PRKN: variants seen among roughly 807,000 people sequenced by gnomAD.
PRKN encodes the protein E3 ubiquitin-protein ligase parkin.
In PRKN, 56 loss-of-function variants were observed where a neutral mutation model predicts 59.5. The ratio of observed to expected loss-of-function variants is 0.94; its 90% CI spans 0.76 to 1.18. The LOEUF (loss-of-function observed/expected upper bound fraction) is 1.18. Ranked by LOEUF, PRKN falls within the 50% of genes most tolerant of loss-of-function variation. The pLI is 0.00. For synonymous variants in PRKN, 250 were observed against 222.1 expected (o/e 1.13, Z -1.12); for missense variants, 657 against 596.4 (o/e 1.10, Z -1.06).
intron 7 of PRKN, among the ~76,000 whole-genome samples, chr6:161,649,260 G>A (rs912335177): frequency 6.6e-5 from 10 of 152,132 alleles, no homozygotes; most frequent in East Asian, 1.9e-4. Context: ...GGTGAGCGCC[G>A]TTCACAATGC....
intron 1 of PRKN, among the ~76,000 whole-genome samples, chr6:162,719,904 A>AAAC (rs1778868345): frequency 1.1e-4 from 1 of 8,904 alleles, no homozygotes; most frequent in African/African-American, 3.2e-4. Flanking sequence ...CAAAAAAAAA[A>AAAC]AAAAAAAAAA....
At position 161,480,460 on chromosome 6, in the gene PRKN, A is replaced by C. The variant is rs1346237795; in HGVS notation, c.1083+68394T>G. On this transcript the variant is annotated intron_variant, in intron 9 of 11. Coordinates refer to ENST00000366898, the MANE Select transcript of PRKN (RefSeq NM_004562.3). The surrounding 1 kb of genome is among the most constrained non-coding windows in gnomAD (Gnocchi z 4.1). ...TCTTATTTCACATATGAGAAAATTG[A>C]GAGCTTAAACAGCTTGCTTAAAATA... Among the ~76,000 whole-genome samples, 1 of 152,232 alleles carries C rather than the reference A, an allele frequency of 6.6e-6. No homozygotes were observed. Among genetic ancestry groups the C allele is most frequent in the East Asian group, 1.9e-4 (1 of 5,194 alleles).
intron 7 of PRKN, among the ~76,000 whole-genome samples, chr6:161,642,711 G>C (rs926289178): frequency 7.2e-5 from 11 of 152,140 alleles, no homozygotes; most frequent in African/African-American, 2.4e-4. Flanking sequence ...GGAGGAATTG[G>C]GAGAAGTTGG....
In PRKN at chr6:161,353,905, G is replaced by C. The variant is rs1437238835; in HGVS notation, c.1286-3694C>G. Among the ~76,000 whole-genome samples, 1 of 152,164 alleles carries C rather than the reference G, an allele frequency of 6.6e-6. No individual in the cohort carries two copies. The highest frequency in any genetic ancestry group is 2.4e-5 in the African/African-American group (1 of 41,444). Reference sequence around the variant, plus strand: ...CACTGCAGAACTGATTGCTTGCTTGGTGCGTGGGGAAAAACCCCCGCACAT... The same window carrying C: ...CACTGCAGAACTGATTGCTTGCTTGCTGCGTGGGGAAAAACCCCCGCACAT... On this transcript the variant is annotated intron_variant, in intron 11 of 11. Coordinates refer to ENST00000366898, the MANE Select transcript of PRKN (RefSeq NM_004562.3). This position sits in a 1 kb window ranked among gnomAD's most constrained non-coding sequence, Gnocchi z 4.8.
chr6:162,190,194 T>A (rs1010544018), intron 4 of PRKN, among the ~76,000 whole-genome samples: 3 of 152,182 alleles, frequency 2.0e-5, no homozygotes, highest in Non-Finnish European at 4.4e-5. Flanking sequence ...ACAAACCCAC[T>A]TGGCTAACTA....
intron 6 of PRKN, among the ~76,000 whole-genome samples, chr6:161,909,794 T>C (rs1778286739): frequency 6.6e-6 from 1 of 152,180 alleles, no homozygotes; most frequent in African/African-American, 2.4e-5. Context: ...TATAACTGCT[T>C]GATAAGTGAA....
At chr6:162,443,679 T>C (rs1446537067) in intron 1 of PRKN, among the ~76,000 whole-genome samples, 2 of 152,204 alleles carry the variant, frequency 1.3e-5, no homozygotes, top group Non-Finnish European at 2.9e-5. Context: ...TTCCCTTTCA[T>C]ATATTCGTCA....
At chr6:162,339,065 C>G (rs1312296034) in intron 2 of PRKN, among the ~76,000 whole-genome samples, 1 of 148,338 alleles carries the variant, frequency 6.7e-6, no homozygotes, top group African/African-American at 2.5e-5. Context: ...GCAGCCGCCC[C>G]GTCTGAGAAG....
chr6:161,471,976 T>C lies in PRKN; in HGVS notation c.1083+76878A>G, dbSNP rs1008653766. Among the ~76,000 whole-genome samples, 3 of 152,142 alleles carry C rather than the reference T, an allele frequency of 2.0e-5. No individual in the cohort carries two copies. The highest frequency in any genetic ancestry group is 4.4e-5 in the Non-Finnish European group (3 of 68,010). On this transcript the variant is annotated intron_variant, in intron 9 of 11. Coordinates refer to ENST00000366898, the MANE Select transcript of PRKN (RefSeq NM_004562.3). The surrounding 1 kb of genome is among the most constrained non-coding windows in gnomAD (Gnocchi z 4.5). ...TTTGGGAGACATTAAAAAAAAATAC[T>C]GAAGCCTATGAAGAAGAAGTTCTCT...
intron 3 of PRKN, among the ~76,000 whole-genome samples, chr6:162,232,274 A>G (rs949816613): frequency 2.0e-5 from 3 of 152,094 alleles, no homozygotes; most frequent in African/African-American, 7.2e-5. Flanking sequence ...GTTGAAGGCT[A>G]TGTGCTCAGG....
At chr6:161,783,466 T>A (rs1027153980) in intron 7 of PRKN, among the ~76,000 whole-genome samples, 7 of 152,188 alleles carry the variant, frequency 4.6e-5, no homozygotes, top group African/African-American at 1.4e-4. Flanking sequence ...AGCACCTTGG[T>A]ACACTGCAAA....
At chr6:162,491,929 G>A (rs554474358) in intron 1 of PRKN, among the ~76,000 whole-genome samples, 36 of 152,284 alleles carry the variant, frequency 2.4e-4, no homozygotes, top group African/African-American at 6.7e-4. Flanking sequence ...AACAGATGGC[G>A]GACAGTTTGC....
chr6:161,702,519 G>A (rs770958949), intron 7 of PRKN, among the ~76,000 whole-genome samples: 1 of 152,050 alleles, frequency 6.6e-6, no homozygotes, highest in Non-Finnish European at 1.5e-5. Context: ...AAAGTAGGAT[G>A]GTGACCATGA....
intron 6 of PRKN, among the ~76,000 whole-genome samples, chr6:161,913,727 T>C (rs1168364989): frequency 6.6e-6 from 1 of 152,228 alleles, no homozygotes; most frequent in Non-Finnish European, 1.5e-5. Flanking sequence ...TGTTATGGAC[T>C]GAATGCTTGT....
At chr6:161,516,086 A>G (rs1778575882) in intron 9 of PRKN, among the ~76,000 whole-genome samples, 2 of 152,244 alleles carry the variant, frequency 1.3e-5, no homozygotes, top group African/African-American at 4.8e-5. Context: ...GCCCAACTCC[A>G]TTACTTTTTT....
At chr6:162,062,773 C>G (rs1057278816) in intron 4 of PRKN, among the ~76,000 whole-genome samples, 1 of 152,082 alleles carries the variant, frequency 6.6e-6, no homozygotes. Context: ...TCCTAGCAGA[C>G]AAATATAGAG....
intron 4 of PRKN, among the ~76,000 whole-genome samples, chr6:162,137,361 G>A (rs1781595148): frequency 6.6e-6 from 1 of 152,118 alleles, no homozygotes; most frequent in East Asian, 1.9e-4. Context: ...ATATATTTAA[G>A]CAAATGTCTG....
intron 1 of PRKN, among the ~76,000 whole-genome samples, chr6:162,497,688 C>T (rs967068076): frequency 6.6e-6 from 1 of 152,162 alleles, no homozygotes; most frequent in Non-Finnish European, 1.5e-5. Context: ...TAGGCGCCTC[C>T]ACTTCTTACA....
Position 161,463,544 on chromosome 6 carries a change from A to G in PRKN, c.1084-76667T>C, listed in dbSNP as rs1052060321. Among the ~76,000 whole-genome samples, 6 of 152,172 alleles carry G rather than the reference A, an allele frequency of 3.9e-5. No individual in the cohort carries two copies. Among genetic ancestry groups the G allele is most frequent in the African/African-American group, 1.4e-4 (6 of 41,444 alleles). ...AGGGATCTTTACATCAACCTACACT[A>G]TACCTACCAGATGCTTTCTTTGACC... On this transcript the variant is annotated intron_variant, in intron 9 of 11. Coordinates refer to ENST00000366898, the MANE Select transcript of PRKN (RefSeq NM_004562.3). This position sits in a 1 kb window ranked among gnomAD's most constrained non-coding sequence, Gnocchi z 4.8.
Sources: allele counts gnomAD v4.1 joint callset (sites outside exome capture counted in the v4.1 genomes callset), GRCh38; gene constraint gnomAD v4.1.1; non-coding constraint Gnocchi (gnomAD v3.1); transcripts MANE v1.5; gene names NCBI Gene and HGNC (gene_info 2026-07-23, HGNC 2026-07-21).